ZNF385D: variants seen among roughly 807,000 people sequenced by gnomAD.
ZNF385D encodes zinc finger protein 659.
A neutral mutation model predicts 35.8 loss-of-function variants in ZNF385D; 15 were observed. That is an observed-to-expected ratio of 0.42 (90% CI 0.28 to 0.64). The LOEUF is 0.64. Ranked by LOEUF, ZNF385D falls within the 30% of genes least tolerant of loss-of-function variation. The probability of loss-of-function intolerance (pLI) is 0.23; values close to 1 mark genes in which losing one functional copy is unlikely to be tolerated. For synonymous variants in ZNF385D, 212 were observed against 186.8 expected (o/e 1.13, Z -1.10); for missense variants, 474 against 494.6 (o/e 0.96, Z 0.39).
intron 3 of ZNF385D, chr3:21,978,386 G>A (rs1219836236): frequency 6.6e-6 from 1 of 152,228 alleles, no homozygotes; most frequent in Non-Finnish European, 1.5e-5. Context: ...TATTAGATAT[G>A]CTACGTGTTT....
chr3:22,179,744 C>G (rs1031953504), intron 2 of ZNF385D, among the ~76,000 whole-genome samples: 4 of 152,088 alleles, frequency 2.6e-5, no homozygotes, highest in African/African-American at 9.7e-5. Context: ...CCAATGAGAA[C>G]AAAGACACAA....
intron 3 of ZNF385D, among the ~76,000 whole-genome samples, chr3:21,549,919 C>G (rs550580033): frequency 6.6e-6 from 1 of 152,148 alleles, no homozygotes; most frequent in Non-Finnish European, 1.5e-5. Flanking sequence ...TTTTAATAGA[C>G]ACAGTTTTGA....
Position 21,586,903 on chromosome 3 carries a change from G to A in ZNF385D, c.166-22219C>T, listed in dbSNP as rs547111115. Among the ~76,000 whole-genome samples, 38 of 152,184 alleles carry A rather than the reference G, an allele frequency of 2.5e-4. No individual in the cohort carries two copies. The East Asian group carries it at 7.3e-3, about 29-fold the overall frequency. ...TTAAGTACTTGGGAACAGAGGAAAGGGGTTGTTTACTCAGTTTGTGGGCAT... is the reference window on the plus strand; with the variant it reads ...TTAAGTACTTGGGAACAGAGGAAAGAGGTTGTTTACTCAGTTTGTGGGCAT... On this transcript the variant is annotated intron_variant, in intron 2 of 7. Transcript: ENST00000281523.
rs371634327 is a variant in ZNF385D at position 22,179,065 on chromosome 3, T to C, written c.107-10030A>G. 1.6e-3 allele frequency among the ~76,000 whole-genome samples: 241 copies of C among 152,232 alleles called. 1 individual carries two copies. The highest frequency in any genetic ancestry group is 5.2e-3 in the African/African-American group (217 of 41,564). The stretch of plus-strand genomic sequence containing the variant: ...TTGGCTTAGGATTGACTTGGCGATG[T>C]GGGCTCTTTTTTGGTTCCATATGAA... On this transcript the variant is annotated intron_variant, in intron 2 of 5. Transcript: ENST00000494108.
At chr3:22,061,509 ATG>A (rs900170466) in intron 3 of ZNF385D, among the ~76,000 whole-genome samples, 2 of 151,986 alleles carry the variant, frequency 1.3e-5, no homozygotes, top group Admixed American at 6.6e-5. Context: ...ATACCAGATT[ATG>A]TCACTCTTTT....
At chr3:21,690,742 T>C (rs2067255820) in intron 1 of ZNF385D, among the ~76,000 whole-genome samples, 1 of 152,154 alleles carries the variant, frequency 6.6e-6, no homozygotes, top group African/African-American at 2.4e-5. Flanking sequence ...GATATTCAAA[T>C]TCACTGGCCC....
chr3:21,927,541 AAG>A (rs1201619499), intron 3 of ZNF385D, among the ~76,000 whole-genome samples: 10 of 152,194 alleles, frequency 6.6e-5, no homozygotes, highest in African/African-American at 2.4e-4. Context: ...ACGAAACAAA[AAG>A]AGATTGCTGG....
intron 2 of ZNF385D, among the ~76,000 whole-genome samples, chr3:22,284,264 C>A (rs1701914263): frequency 6.6e-6 from 1 of 152,162 alleles, no homozygotes; most frequent in Non-Finnish European, 1.5e-5. Context: ...TCTTGGCTCA[C>A]TGCAACCTTT....
chr3:22,009,594 G>C (rs369467848), intron 3 of ZNF385D, among the ~76,000 whole-genome samples: 1 of 147,166 alleles, frequency 6.8e-6, no homozygotes, highest in East Asian at 2.0e-4. Flanking sequence ...CTGCACTCTA[G>C]CCTGGGCAAC....
intron 3 of ZNF385D, among the ~76,000 whole-genome samples, chr3:22,134,774 C>A (rs1441995560): frequency 6.6e-6 from 1 of 151,996 alleles, no homozygotes; most frequent in African/African-American, 2.4e-5. Flanking sequence ...TTGCTTCATA[C>A]CATGGCAGAA....
At chr3:22,061,144 G>T (rs577543138) in intron 3 of ZNF385D, among the ~76,000 whole-genome samples, 44 of 151,788 alleles carry the variant, frequency 2.9e-4, no homozygotes, top group African/African-American at 1.0e-3. Flanking sequence ...TTAAATAGTT[G>T]CAAAGAATTA....
chr3:22,072,938 G>A (rs1251522645), intron 3 of ZNF385D, among the ~76,000 whole-genome samples: 1 of 151,970 alleles, frequency 6.6e-6, no homozygotes, highest in African/African-American at 2.4e-5. Context: ...CATTTGTCCT[G>A]AGCACATAGA....
At position 22,353,755 on chromosome 3, in the gene ZNF385D, C is replaced by G. The variant is rs143223091; in HGVS notation, c.106+18695G>C. ...CTCCTTTAACTAGAGCAATCTTACTCTCCATCCTACCTCAGCCACACTCTC... is the reference window on the plus strand; with the variant it reads ...CTCCTTTAACTAGAGCAATCTTACTGTCCATCCTACCTCAGCCACACTCTC... On this transcript the variant is annotated intron_variant, in intron 2 of 5. Coordinates refer to the ZNF385D transcript ENST00000494108. Among the ~76,000 whole-genome samples the G allele has an allele frequency of 1.8e-3, 276 of 152,220 alleles. 1 individual carries two copies. The highest frequency in any genetic ancestry group is 3.4e-3 in the Non-Finnish European group (234 of 67,998).
At chr3:21,786,951 C>T (rs1394208629) in intron 3 of ZNF385D, among the ~76,000 whole-genome samples, 2 of 151,972 alleles carry the variant, frequency 1.3e-5, no homozygotes, top group Non-Finnish European at 2.9e-5. Flanking sequence ...TTATTTAAAC[C>T]TAATAAGAAA....
rs188913713 is a variant in ZNF385D at position 22,136,110 on chromosome 3, G to A, written c.325+32707C>T. Among the ~76,000 whole-genome samples the A allele has an allele frequency of 3.8e-3, 580 of 152,262 alleles. 2 individuals carry two copies. The highest frequency in any genetic ancestry group is 0.013 in the African/African-American group (533 of 41,566). Reference sequence around the variant, plus strand: ...GGATAATCCGTATAAGAGGCCAGGCGTGGTGGCTCATGCCTATAATCCTAG... The same window carrying A: ...GGATAATCCGTATAAGAGGCCAGGCATGGTGGCTCATGCCTATAATCCTAG... On this transcript the variant is annotated intron_variant, in intron 3 of 5. Transcript: ENST00000494108.
intron 1 of ZNF385D, among the ~76,000 whole-genome samples, chr3:21,686,692 C>T (rs2067115974): frequency 6.6e-6 from 1 of 152,140 alleles, no homozygotes; most frequent in African/African-American, 2.4e-5. Context: ...TTTAAGTGTG[C>T]AGTCGCCACA....
At chr3:22,321,887 G>C (rs754386518) in intron 2 of ZNF385D, among the ~76,000 whole-genome samples, 4 of 151,446 alleles carry the variant, frequency 2.6e-5, no homozygotes, top group African/African-American at 9.7e-5. Flanking sequence ...TCCCTTTATT[G>C]AGTGTCTCAA....
chr3:21,516,227 T>C (rs1199602852), intron 3 of ZNF385D, among the ~76,000 whole-genome samples: 1 of 152,226 alleles, frequency 6.6e-6, no homozygotes, highest in Non-Finnish European at 1.5e-5. Flanking sequence ...TGTCCAGCCT[T>C]ATGTTAATTA....
chr3:21,960,164 T>C (rs559423712), intron 3 of ZNF385D, among the ~76,000 whole-genome samples: 2 of 144,960 alleles, frequency 1.4e-5, no homozygotes, highest in Non-Finnish European at 3.0e-5. Flanking sequence ...AAGAGACTAA[T>C]ATCCAGAATA....
Sources: allele counts gnomAD v4.1 joint callset (sites outside exome capture counted in the v4.1 genomes callset), GRCh38; gene constraint gnomAD v4.1.1; transcripts MANE v1.5; gene names NCBI Gene and HGNC (gene_info 2026-07-23, HGNC 2026-07-21).